CAD: variants seen among roughly 807,000 people sequenced by gnomAD.
The protein encoded by CAD is multifunctional protein CAD.
A neutral mutation model predicts 237.2 loss-of-function variants in CAD; 81 were observed. The observed-to-expected ratio is 0.34, with a 90% CI of 0.29 to 0.41. The LOEUF (loss-of-function observed/expected upper bound fraction) is 0.41. Ranked by LOEUF, CAD falls within the 10% of genes least tolerant of loss-of-function variation. The probability of loss-of-function intolerance (pLI) is 1.00; values close to 1 mark genes in which losing one functional copy is unlikely to be tolerated. For missense variants in CAD, 2,181 were observed against 2,951.7 expected (o/e 0.74, Z 6.05); for synonymous variants, 1,196 against 1,162.8 (o/e 1.03, Z -0.58).
rs550547052 is a variant in CAD at position 27,237,275 on chromosome 2, C to T, written c.4397-104C>T. The T allele has an allele frequency of 4.4e-5, 53 of 1,211,444 alleles. No homozygotes were observed. The African/African-American group carries it at 7.1e-4, about 16-fold the overall frequency. 75.0% of individuals were successfully genotyped at this position (1,211,444 alleles called of 1,614,324 possible). ...CTGATCTCAGGTGATCTGCCCACCT[C>T]GGCCTCCCAAAGTGCTAGGATTACA... is the stretch of plus-strand genomic sequence containing the variant. On this transcript the variant is annotated intron_variant, in intron 27 of 43. Coordinates refer to ENST00000264705, the MANE Select transcript of CAD (RefSeq NM_004341.5). This position sits in a 1 kb window ranked among gnomAD's most constrained non-coding sequence, Gnocchi z 4.0.
rs1314846266 is a variant in CAD, at chr2:27,224,368, C to T, written c.1132C>T (p.Leu378Phe). Residue 378 changes from leucine to phenylalanine, a missense_variant, in exon 9 of 44, where the codon CTC (leucine) becomes TTC (phenylalanine). Coordinates refer to ENST00000264705, the MANE Select transcript of CAD (RefSeq NM_004341.5). ...AGTTAGAGAGCGGCTGACTGAGCGC[C>T]TCTGTCCCCCTGGGATTCCCACTCC... The part of the protein sequence containing the change: ...QTVRERLTER[L>F]CPPGIPTPGS... 3 of 1,614,110 alleles carry T rather than the reference C, an allele frequency of 1.9e-6. No homozygotes were observed. The highest frequency in any genetic ancestry group is 1.3e-5 in the African/African-American group (1 of 74,938).
At chr2:27,220,507 A>G (rs1196135103) in intron 2 of CAD, among the ~76,000 whole-genome samples, 2 of 151,482 alleles carry the variant, frequency 1.3e-5, no homozygotes, top group East Asian at 3.9e-4. Context: ...AAAATTAGCC[A>G]GGTGTGATGA....
chr2:27,224,986 T>G (rs766938241), intron 10 of CAD, 24 bp from the exon 11 acceptor site: 8 of 1,606,580 alleles, frequency 5.0e-6, no homozygotes, highest in Non-Finnish European at 6.8e-6. Context: ...TTCTGATGCC[T>G]GTAACTCCCC....
chr2:27,243,112 G>T, intron 42 of CAD, 86 bp from the exon 43 acceptor site: 1 of 1,422,112 alleles, frequency 7.0e-7, no homozygotes. Flanking sequence ...TGTGGGTGTG[G>T]AGGGGACCCC....
At chr2:27,243,163 C>G (rs774451093) in intron 42 of CAD, 35 bp from the exon 43 acceptor site, 9 of 1,602,362 alleles carry the variant, frequency 5.6e-6, no homozygotes, top group South Asian at 1.1e-5. Flanking sequence ...CACTCCTACC[C>G]CAAGGCACTA....
rs144692793 is a variant in CAD, at chr2:27,238,500, T to C, written c.4930T>C (p.Phe1644Leu). ...VTCEVAPHHL[F>L]LSHDDLERLG... ...CTGCGAGGTGGCTCCCCACCACCTG[T>C]TCCTAAGCCATGATGACCTGGAGCG... is the stretch of plus-strand genomic sequence containing the variant. Residue 1644 changes from phenylalanine to leucine, a missense_variant, in exon 31 of 44, where the codon TTC becomes CTC. Coordinates refer to ENST00000264705, the MANE Select transcript of CAD (RefSeq NM_004341.5). 11,580 of 1,612,830 alleles carry C rather than the reference T, an allele frequency of 7.2e-3. 56 individuals carry two copies. The highest frequency in any genetic ancestry group is 8.7e-3 in the Non-Finnish European group (10,280 of 1,179,458).
chr2:27,236,603 G>A lies in CAD; in HGVS notation c.4314+80G>A, dbSNP rs1676014836. 1.3e-6 allele frequency: 2 copies of A among 1,579,976 alleles called. No homozygotes were observed. The highest frequency in any genetic ancestry group is 2.7e-5 in the African/African-American group (2 of 74,232). ...AAGAGGGAGGAGTGAGTATGGAACAGCCATGCTAGTAATAAAGCTTTGTGG... is the reference window on the plus strand; with the variant it reads ...AAGAGGGAGGAGTGAGTATGGAACAACCATGCTAGTAATAAAGCTTTGTGG... On this transcript the variant is annotated intron_variant, in intron 26 of 43. Coordinates refer to ENST00000264705, the MANE Select transcript of CAD (RefSeq NM_004341.5). The surrounding 1 kb of genome is among the most constrained non-coding windows in gnomAD (Gnocchi z 4.1).
rs1269156581 is a variant in CAD, at chr2:27,233,359, A to G, written c.3039A>G (p.Leu1013=). The part of the protein sequence containing the change: ...YELENPEGVI[L]SMGGQLPNNM... ...TCGAGAACCCTGAAGGTGTGATCCT[A>G]TCCATGGGTGGACAGCTGCCCAACA... Residue 1013 remains leucine (L), a synonymous_variant, in exon 20 of 44, where the codon CTA becomes CTG. Transcript: ENST00000264705. The surrounding 1 kb of genome is among the most constrained non-coding windows in gnomAD (Gnocchi z 6.3). The G allele has an allele frequency of 2.5e-6, 4 of 1,614,240 alleles. No individual in the cohort carries two copies. The highest frequency in any genetic ancestry group is 2.2e-5 in the East Asian group (1 of 44,886).
chr2:27,226,661 A>C lies in CAD; in HGVS notation c.2156+12A>C. Reference sequence around the variant, plus strand: ...TTGCCTGAGCTCAGGTACGAGGATGAGGGAGATATCACAGTGGGGAAGTGG... The same window carrying C: ...TTGCCTGAGCTCAGGTACGAGGATGCGGGAGATATCACAGTGGGGAAGTGG... On this transcript the variant is annotated intron_variant, in intron 14 of 43. Transcript: ENST00000264705. The C allele has an allele frequency of 6.2e-7, 1 of 1,613,894 alleles. No individual in the cohort carries two copies. Among genetic ancestry groups the C allele is most frequent in the Non-Finnish European group, 8.5e-7 (1 of 1,179,916 alleles).
rs1675829436 is a variant in CAD, at chr2:27,232,916, C to T, written c.2893-126C>T. 1.2e-6 allele frequency: 1 copy of T among 810,210 alleles called. No homozygotes were observed. Among genetic ancestry groups the T allele is most frequent in the African/African-American group, 1.7e-5 (1 of 59,754 alleles). The allele number at this position is 810,210 out of a possible 1,614,324, so 50.2% of individuals were successfully genotyped here. On this transcript the variant is annotated intron_variant, in intron 18 of 43. Coordinates refer to ENST00000264705, the MANE Select transcript of CAD (RefSeq NM_004341.5). This position sits in a 1 kb window ranked among gnomAD's most constrained non-coding sequence, Gnocchi z 4.1. ...TCCCTCCCAAGGCAGGGGTCCTGTA[C>T]AGCTCTTTCAGAGGAAGCTGTGCTG...
chr2:27,223,755 C>T lies in CAD; in HGVS notation c.995+7C>T, dbSNP rs377491157. The T allele has an allele frequency of 1.2e-5, 19 of 1,613,146 alleles. No homozygotes were observed. Among genetic ancestry groups the T allele is most frequent in the Middle Eastern group, 1.6e-4 (1 of 6,082 alleles). On this transcript the variant is annotated splice_region_variant and intron_variant, in intron 7 of 43. Coordinates refer to ENST00000264705, the MANE Select transcript of CAD (RefSeq NM_004341.5). ...ACAGCTTGCCTTTCTTCAGGTGAGC[C>T]TGGTTGACTGGGTCTGTGAAAATTT...
chr2:27,234,834 G>C, intron 23 of CAD, 149 bp downstream of exon 23: 3 of 784,732 alleles, frequency 3.8e-6, no homozygotes, highest in East Asian at 2.7e-5. Flanking sequence ...TCCCTTAAGA[G>C]CTTACTTTAT....
intron 9 of CAD, 100 bp downstream of exon 9, chr2:27,224,590 AT>A: frequency 6.4e-7 from 1 of 1,553,674 alleles, no homozygotes; most frequent in East Asian, 2.2e-5. Context: ...AATGAACCAG[AT>A]TTGGGGAATG....
rs1188934388 is a variant in CAD at position 27,233,538 on chromosome 2, T to G, written c.3216+2T>G. 6.2e-7 allele frequency: 1 copy of G among 1,613,970 alleles called. No homozygotes were observed. Among genetic ancestry groups the G allele is most frequent in the Non-Finnish European group, 8.5e-7 (1 of 1,179,970 alleles). On this transcript the variant is annotated splice_donor_variant, in intron 20 of 43. Transcript: ENST00000264705. LOFTEE classifies it high-confidence loss of function. This position sits in a 1 kb window ranked among gnomAD's most constrained non-coding sequence, Gnocchi z 6.3. The stretch of plus-strand genomic sequence containing the variant: ...TGGAGGGAGCTCAGTGACCTCGAGG[T>G]GGGCTGGGACCTGGTGGGTTACCCG...
intron 2 of CAD, among the ~76,000 whole-genome samples, chr2:27,218,705 T>C (rs1057416968): frequency 1.3e-5 from 2 of 152,142 alleles, no homozygotes; most frequent in Non-Finnish European, 2.9e-5. Flanking sequence ...GTTTCCCCTA[T>C]TCCTTCACCT....
chr2:27,220,359 A>G (rs1675095264), intron 2 of CAD, among the ~76,000 whole-genome samples: 1 of 152,180 alleles, frequency 6.6e-6, no homozygotes, highest in Non-Finnish European at 1.5e-5. Flanking sequence ...AGATAAAGGA[A>G]GAAAGAGGCG....
chr2:27,221,503 T>C (rs1675162424), intron 3 of CAD, among the ~76,000 whole-genome samples, 156 bp downstream of exon 3: 1 of 152,154 alleles, frequency 6.6e-6, no homozygotes, highest in Non-Finnish European at 1.5e-5. Context: ...GAACTATCAC[T>C]CAGAAAGAAA....
Position 27,240,260 on chromosome 2 carries a change from TC to T in CAD, c.5497-3del. The T allele has an allele frequency of 6.2e-7, 1 of 1,603,752 alleles. No homozygotes were observed. Among genetic ancestry groups the T allele is most frequent in the Non-Finnish European group, 8.5e-7 (1 of 1,173,108 alleles). ...AACAACTCTGGGCCAACGTTATCCC[TC>T]CAGACACCTGAAAGACCCCGCCGTG... is the stretch of plus-strand genomic sequence containing the variant. On this transcript the variant is annotated splice_region_variant and splice_polypyrimidine_tract_variant and intron_variant, in intron 34 of 43. Transcript: ENST00000264705. The surrounding 1 kb of genome is among the most constrained non-coding windows in gnomAD (Gnocchi z 4.6).
intron 15 of CAD, among the ~76,000 whole-genome samples, chr2:27,230,626 A>T (rs1278744445): frequency 7.0e-6 from 1 of 141,852 alleles, no homozygotes; most frequent in African/African-American, 2.7e-5. Flanking sequence ...AAGTCCATCT[A>T]AAAAAAAAAA....
Sources: gnomAD v4.1 joint callset for allele counts (sites outside exome capture counted in the v4.1 genomes callset) on GRCh38, gnomAD v4.1.1 for gene constraint, Gnocchi (gnomAD v3.1) non-coding constraint, MANE v1.5 for transcripts, NCBI Gene and HGNC (gene_info 2026-07-23, HGNC 2026-07-21) for gene names.